The following EYS variants were observed in gnomAD, a reference collection of about 807,000 sequenced individuals.
EYS encodes EGF-like photoreceptor maintenance factor.
Under a neutral mutation model 282.1 loss-of-function variants are expected in EYS, and 250 were observed. The ratio of observed to expected loss-of-function variants is 0.89; its 90% CI spans 0.80 to 0.98. The LOEUF (loss-of-function observed/expected upper bound fraction) is 0.98. Ranked by LOEUF, EYS falls within the 50% of genes least tolerant of loss-of-function variation. The probability of loss-of-function intolerance (pLI) is 0.00; values close to 1 mark genes in which losing one functional copy is unlikely to be tolerated. For missense variants in EYS, 4,016 were observed against 3,709.0 expected (o/e 1.08, Z -2.15); for synonymous variants, 1,355 against 1,282.9 (o/e 1.06, Z -1.20).
chr6:64,515,896 T>C (rs1207771998), intron 26 of EYS, among the ~76,000 whole-genome samples: 1 of 151,834 alleles, frequency 6.6e-6, no homozygotes, highest in Non-Finnish European at 1.5e-5. Context: ...CTAATAAGAA[T>C]GTAATTTACA....
chr6:65,100,843 G>A (rs927195115), intron 12 of EYS, among the ~76,000 whole-genome samples: 1 of 150,824 alleles, frequency 6.6e-6, no homozygotes, highest in Admixed American at 6.6e-5. Flanking sequence ...CTGACAAGAG[G>A]AAGTATTAAT....
intron 35 of EYS, among the ~76,000 whole-genome samples, chr6:63,907,959 T>C (rs924416758): frequency 7.3e-5 from 11 of 150,628 alleles, no homozygotes; most frequent in African/African-American, 2.2e-4. Context: ...TTCTTTTTTA[T>C]GCCTGAATAG....
Position 64,295,813 on chromosome 6 carries a change from A to C in EYS, c.6191+11157T>G, listed in dbSNP as rs1768958272. 1.3e-5 allele frequency among the ~76,000 whole-genome samples: 2 copies of C among 152,094 alleles called. 1 individual carries two copies. The highest frequency in any genetic ancestry group is 4.1e-4 in the South Asian group (2 of 4,832). On this transcript the variant is annotated intron_variant, in intron 30 of 42. Transcript: ENST00000503581. The stretch of plus-strand genomic sequence containing the variant: ...TGCCAATGTTACAATTCGAACTTTC[A>C]AGCATATTTCAGAATTTTGGGTAAG...
At chr6:64,933,683 C>T (rs531303363) in intron 15 of EYS, among the ~76,000 whole-genome samples, 4 of 152,198 alleles carry the variant, frequency 2.6e-5, no homozygotes, top group East Asian at 3.9e-4. Context: ...CACATCCACA[C>T]GTATGTTTAT....
At chr6:65,009,340 T>C (rs189963044) in intron 13 of EYS, among the ~76,000 whole-genome samples, 90 of 152,214 alleles carry the variant, frequency 5.9e-4, no homozygotes, top group African/African-American at 2.1e-3. Flanking sequence ...AGAAACCCCA[T>C]GGATAATAGA....
At chr6:63,991,820 G>A (rs575518991) in intron 34 of EYS, among the ~76,000 whole-genome samples, 1 of 151,780 alleles carries the variant, frequency 6.6e-6, no homozygotes, top group South Asian at 2.1e-4. Flanking sequence ...CAAAACCAGA[G>A]AATTTTAAAA....
intron 12 of EYS, among the ~76,000 whole-genome samples, chr6:65,274,998 T>C (rs934232283): frequency 4.6e-5 from 7 of 152,122 alleles, no homozygotes; most frequent in African/African-American, 1.7e-4. Context: ...TATTCCCATT[T>C]ACCTAGTGAT....
intron 12 of EYS, among the ~76,000 whole-genome samples, chr6:65,239,718 T>C (rs990826910): frequency 6.6e-6 from 1 of 152,118 alleles, no homozygotes; most frequent in Non-Finnish European, 1.5e-5. Flanking sequence ...AATTAAGATA[T>C]ACATATTTAT....
intron 19 of EYS, among the ~76,000 whole-genome samples, chr6:64,870,076 A>G (rs1426197171): frequency 6.6e-6 from 1 of 151,700 alleles, no homozygotes. Flanking sequence ...GTAAGAAAAC[A>G]ATCAATCATA....
chr6:64,134,337 A>T (rs1361680436), intron 31 of EYS, among the ~76,000 whole-genome samples: 1 of 152,038 alleles, frequency 6.6e-6, no homozygotes, highest in Non-Finnish European at 1.5e-5. Context: ...TGGAAAAATG[A>T]TTTAGTATTT....
intron 22 of EYS, among the ~76,000 whole-genome samples, chr6:64,795,512 T>C (rs888765019): frequency 3.3e-5 from 5 of 152,204 alleles, no homozygotes; most frequent in African/African-American, 1.2e-4. Flanking sequence ...TGAGGACTGC[T>C]ATTGGGTACT....
chr6:64,507,451 C>T (rs1344477001), intron 26 of EYS, among the ~76,000 whole-genome samples: 1 of 152,114 alleles, frequency 6.6e-6, no homozygotes, highest in Middle Eastern at 3.2e-3. Context: ...AAAAATTGTC[C>T]ATTCCCTATA....
intron 14 of EYS, among the ~76,000 whole-genome samples, chr6:64,968,723 G>T (rs1352233460): frequency 6.6e-6 from 1 of 152,028 alleles, no homozygotes; most frequent in Non-Finnish European, 1.5e-5. Context: ...CTGTTTTTGT[G>T]GTTGCCATGG....
chr6:65,553,761 T>C (rs3857534), intron 2 of EYS, among the ~76,000 whole-genome samples: 83,478 of 151,864 alleles, frequency 0.55, 22,976 homozygotes, highest in East Asian at 0.72. Context: ...ACATGAGGTG[T>C]TCTGTACTCC....
intron 36 of EYS, among the ~76,000 whole-genome samples, chr6:63,832,785 A>G (rs1211978320): frequency 6.6e-6 from 1 of 152,202 alleles, no homozygotes; most frequent in Non-Finnish European, 1.5e-5. Context: ...TTAGACCAAT[A>G]TTCCTGGTGA....
At position 65,027,020 on chromosome 6, in the gene EYS, G is replaced by GT. The variant is rs1172171512; in HGVS notation, c.2138-29318dup. Among the ~76,000 whole-genome samples, 332 of 129,650 alleles carry GT rather than the reference G, an allele frequency of 2.6e-3. 1 individual carries two copies. The highest frequency in any genetic ancestry group is 6.8e-3 in the South Asian group (29 of 4,236). The allele number at this position is 129,650 out of a possible 152,430, so 85.1% of individuals were successfully genotyped here. ...TCTTCCTCTTGCCTATTTGTAATGT[G>GT]TGTTTTTTTTTTTTGACAGTGAGAA... On this transcript the variant is annotated intron_variant, in intron 13 of 42. Transcript: ENST00000503581.
chr6:65,345,558 T>C (rs185850848), intron 9 of EYS, among the ~76,000 whole-genome samples: 1 of 151,886 alleles, frequency 6.6e-6, no homozygotes, highest in Admixed American at 6.6e-5. Flanking sequence ...ATTTAAGAAA[T>C]TGTAGGATTA....
chr6:63,733,313 G>C (rs1377669656), intron 41 of EYS, among the ~76,000 whole-genome samples: 3 of 151,982 alleles, frequency 2.0e-5, no homozygotes, highest in Non-Finnish European at 2.9e-5. Context: ...TAGGTCCAAG[G>C]GTACATGTGC....
At chr6:64,143,146 C>A (rs77340639) in intron 31 of EYS, among the ~76,000 whole-genome samples, 8,380 of 151,930 alleles carry the variant, frequency 0.055, 767 homozygotes, top group African/African-American at 0.19. Flanking sequence ...TGAAAATATC[C>A]GTGGTTGCCA....
Sources: gnomAD v4.1 joint callset for allele counts (sites outside exome capture counted in the v4.1 genomes callset) on GRCh38, gnomAD v4.1.1 for gene constraint, MANE v1.5 for transcripts, NCBI Gene and HGNC (gene_info 2026-07-23, HGNC 2026-07-21) for gene names.